Variants in CHODL observed in about 807,000 individuals in gnomAD.
The protein encoded by CHODL is transmembrane protein MT75.
Under a neutral mutation model 34.5 loss-of-function variants are expected in CHODL, and 29 were observed. The ratio of observed to expected loss-of-function variants is 0.84; its 90% CI spans 0.63 to 1.15. The LOEUF (loss-of-function observed/expected upper bound fraction) is 1.15. Ranked by LOEUF, CHODL falls within the 50% of genes most tolerant of loss-of-function variation. CHODL has a pLI of 0.00. For synonymous variants in CHODL, 125 were observed against 116.1 expected (o/e 1.08, Z -0.49); for missense variants, 332 against 332.5 (o/e 1.00, Z 0.01).
intron 1 of CHODL, among the ~76,000 whole-genome samples, chr21:18,248,594 A>G (rs2074173207): frequency 7.3e-6 from 1 of 136,974 alleles, no homozygotes; most frequent in African/African-American, 2.7e-5. Context: ...TTATATATAT[A>G]TATAAAATAT....
At chr21:17,962,570 A>G (rs197568) in intron 1 of CHODL, among the ~76,000 whole-genome samples, 2,054 of 152,266 alleles carry the variant, frequency 0.013, 43 homozygotes, top group African/African-American at 0.046. Flanking sequence ...AATTACACAT[A>G]ATATCCATAC....
chr21:18,158,721 C>T (rs933684196), intron 2 of CHODL, among the ~76,000 whole-genome samples: 1 of 151,704 alleles, frequency 6.6e-6, no homozygotes, highest in Non-Finnish European at 1.5e-5. Flanking sequence ...GCCTGTAATC[C>T]CAGCTACTCG....
Position 18,174,151 on chromosome 21 carries a change from A to G in CHODL, c.-44-82358A>G, listed in dbSNP as rs1389773375. 2.4e-5 allele frequency among the ~76,000 whole-genome samples: 3 copies of G among 125,802 alleles called. 1 individual carries two copies. In the Admixed American group the frequency reaches 2.5e-4, roughly 10 times the overall value. 82.5% of individuals were successfully genotyped at this position (125,802 alleles called of 152,430 possible). A position where few individuals can be genotyped will look rare whatever the true frequency, so the allele number is the denominator to read the frequency against. On this transcript the variant is annotated intron_variant, in intron 2 of 6. Transcript: ENST00000400127. The stretch of plus-strand genomic sequence containing the variant: ...TATATATATATATATATATATATAT[A>G]TATATATATAAAATCAAGTCTCTCA...
intron 2 of CHODL, among the ~76,000 whole-genome samples, chr21:18,083,926 T>G (rs1399066192): frequency 6.6e-6 from 1 of 152,198 alleles, no homozygotes; most frequent in Non-Finnish European, 1.5e-5. Flanking sequence ...TTTGGGAGAC[T>G]GCTGGAAAGA....
At chr21:18,099,194 CAAT>C (rs2065179743) in intron 2 of CHODL, among the ~76,000 whole-genome samples, 1 of 151,662 alleles carries the variant, frequency 6.6e-6, no homozygotes, top group African/African-American at 2.4e-5. Context: ...AGACTATAGT[CAAT>C]AATAATTTAA....
At chr21:18,027,220 G>A (rs1253525918) in intron 1 of CHODL, among the ~76,000 whole-genome samples, 1 of 152,130 alleles carries the variant, frequency 6.6e-6, no homozygotes, top group African/African-American at 2.4e-5. Context: ...GCTGCAGTGA[G>A]CCATGATGGT....
At chr21:18,091,075 G>C (rs2065067715) in intron 2 of CHODL, among the ~76,000 whole-genome samples, 1 of 152,204 alleles carries the variant, frequency 6.6e-6, no homozygotes, top group Non-Finnish European at 1.5e-5. Context: ...ACTTTGCATT[G>C]ATCTCAATGT....
In CHODL at chr21:18,252,657, T is replaced by A. The variant is rs73206938; in HGVS notation, c.80-3852T>A. On this transcript the variant is annotated intron_variant, in intron 1 of 5. Transcript: ENST00000299295. The stretch of plus-strand genomic sequence containing the variant: ...AAATTCAGTGTCAGCTTTAACTGAC[T>A]GTATATAAACCCATAAAAATTGTGC... 3.6e-3 allele frequency among the ~76,000 whole-genome samples: 546 copies of A among 152,296 alleles called. 1 individual carries two copies. Among genetic ancestry groups the A allele is most frequent in the Non-Finnish European group, 6.3e-3 (426 of 68,010 alleles).
In CHODL at chr21:18,174,141, A is replaced by ATG; in HGVS notation, c.-44-82367_-44-82366insGT. On this transcript the variant is annotated intron_variant, in intron 2 of 6. Transcript: ENST00000400127. ...TCTTGGTGTATATATATATATATAT[A>ATG]TATATATATATATATATATAAAATC... Among the ~76,000 whole-genome samples the ATG allele has an allele frequency of 1.7e-5, 2 of 117,382 alleles. 1 individual carries two copies. The highest frequency in any genetic ancestry group is 3.4e-5 in the Non-Finnish European group (2 of 58,570). The allele number at this position is 117,382 out of a possible 152,430, so 77.0% of individuals were successfully genotyped here.
rs200122044 is a variant in CHODL, at chr21:17,927,126, ATATATATG to A, written c.-145+9750_-145+9757del. 2.5e-3 allele frequency among the ~76,000 whole-genome samples: 279 copies of A among 113,334 alleles called. 1 individual carries two copies. Among genetic ancestry groups the A allele is most frequent in the East Asian group, 0.01 (40 of 3,974 alleles). The allele number at this position is 113,334 out of a possible 152,430, so 74.4% of individuals were successfully genotyped here. A position where few individuals can be genotyped will look rare whatever the true frequency, so the allele number is the denominator to read the frequency against. Reference sequence around the variant, plus strand: ...TGTGTATGTATATATGTATATATGTATATATATGTATATATGTATATATGTATATATAT... The same window carrying A: ...TGTGTATGTATATATGTATATATGTATATATATGTATATATGTATATATAT... On this transcript the variant is annotated intron_variant, in intron 1 of 6. Transcript: ENST00000400127.
At chr21:18,238,656 T>C (rs1157112418) in intron 2 of CHODL, among the ~76,000 whole-genome samples, 1 of 152,018 alleles carries the variant, frequency 6.6e-6, no homozygotes, top group Non-Finnish European at 1.5e-5. Flanking sequence ...GTATTAAGAT[T>C]GTGAGGTCTA....
At chr21:18,171,453 C>T (rs1242016490) in intron 2 of CHODL, among the ~76,000 whole-genome samples, 43 of 150,422 alleles carry the variant, frequency 2.9e-4, no homozygotes, top group Non-Finnish European at 7.4e-5. Flanking sequence ...ATGATCCACC[C>T]GCCTCGGCCT....
At chr21:18,223,561 TTACTAAATA>T (rs915536175) in intron 2 of CHODL, among the ~76,000 whole-genome samples, 2 of 152,162 alleles carry the variant, frequency 1.3e-5, no homozygotes, top group Non-Finnish European at 2.9e-5. Flanking sequence ...CAGATACGAT[TTACTAAATA>T]TATGCCTCTA....
Position 18,256,493 on chromosome 21 carries a change from T to C in CHODL, c.80-16T>C, listed in dbSNP as rs1270635683. ...TTCCGATTATCAATATATGGGCATC[T>C]TTTTTTTTTTTTCAGGCCAAAAGGT... On this transcript the variant is annotated splice_polypyrimidine_tract_variant and intron_variant, in intron 1 of 5. Coordinates refer to ENST00000299295, the MANE Select transcript of CHODL (RefSeq NM_024944.3). 3.0e-6 allele frequency: 1 copy of C among 337,928 alleles called. No individual in the cohort carries two copies. The highest frequency in any genetic ancestry group is 4.3e-6 in the Non-Finnish European group (1 of 232,102). 20.9% of individuals were successfully genotyped at this position (337,928 alleles called of 1,614,324 possible). A position where few individuals can be genotyped will look rare whatever the true frequency, so the allele number is the denominator to read the frequency against.
At chr21:18,188,692 G>A (rs941864662) in intron 2 of CHODL, among the ~76,000 whole-genome samples, 6 of 152,186 alleles carry the variant, frequency 3.9e-5, no homozygotes, top group Non-Finnish European at 7.3e-5. Context: ...AAGTCACTGG[G>A]AAAAGCCATT....
intron 1 of CHODL, among the ~76,000 whole-genome samples, chr21:17,972,530 C>G (rs1178901737): frequency 2.6e-5 from 4 of 152,130 alleles, no homozygotes; most frequent in Non-Finnish European, 5.9e-5. Context: ...CATGAGTGAA[C>G]TCCCATTCAC....
intron 2 of CHODL, among the ~76,000 whole-genome samples, chr21:18,100,442 G>A (rs148727630): frequency 0.016 from 2,444 of 152,124 alleles, 28 homozygotes; most frequent in Non-Finnish European, 0.021. Flanking sequence ...GCATGGGGAA[G>A]GGAAGAAAGG....
At chr21:18,131,745 C>T (rs375767437) in intron 2 of CHODL, among the ~76,000 whole-genome samples, 2 of 152,136 alleles carry the variant, frequency 1.3e-5, no homozygotes, top group African/African-American at 4.8e-5. Context: ...AGCCTTGTAG[C>T]TGGTCTTTCT....
chr21:17,978,489 T>C (rs1390168540), intron 1 of CHODL, among the ~76,000 whole-genome samples: 3 of 147,514 alleles, frequency 2.0e-5, no homozygotes, highest in Non-Finnish European at 4.5e-5. Flanking sequence ...GAGGCCGAGG[T>C]GGGCGGATCA....
Sources: allele counts gnomAD v4.1 joint callset (sites outside exome capture counted in the v4.1 genomes callset), GRCh38; gene constraint gnomAD v4.1.1; transcripts MANE v1.5; gene names NCBI Gene and HGNC (gene_info 2026-07-23, HGNC 2026-07-21).